Variants in EBF3 observed in about 807,000 individuals in gnomAD.
EBF3 encodes the protein transcription factor COE3.
EBF3 carries 18 observed loss-of-function variants against 77.1 expected under a neutral mutation model. The ratio of observed to expected loss-of-function variants is 0.23; its 90% CI spans 0.16 to 0.35. The LOEUF is 0.35. Among genes scored for constraint, EBF3 ranks in the 10% least tolerant of loss-of-function variants. The pLI, the probability that EBF3 is intolerant of heterozygous loss-of-function variation, is 1.00. For synonymous variants in EBF3, 350 were observed against 343.5 expected (o/e 1.02, Z -0.21); for missense variants, 558 against 860.0 (o/e 0.65, Z 4.39).
chr10:129,881,608 C>A (rs867556835), intron 6 of EBF3, among the ~76,000 whole-genome samples: 1 of 152,140 alleles, frequency 6.6e-6, no homozygotes, highest in Non-Finnish European at 1.5e-5. Flanking sequence ...TCCTCTTTCG[C>A]GGTGCACAGG....
chr10:129,941,468 C>T (rs1685799487), intron 6 of EBF3, among the ~76,000 whole-genome samples: 1 of 152,220 alleles, frequency 6.6e-6, no homozygotes, highest in South Asian at 2.1e-4. Context: ...AACCCACCAC[C>T]CGGGGACAGT....
chr10:129,851,174 A>T (rs756455081), intron 10 of EBF3, among the ~76,000 whole-genome samples: 1 of 152,238 alleles, frequency 6.6e-6, no homozygotes, highest in Non-Finnish European at 1.5e-5. Context: ...AACTGTCAGC[A>T]CTGGTTTGCT....
chr10:129,942,902 T>C (rs1355033203), intron 6 of EBF3, among the ~76,000 whole-genome samples: 1 of 152,224 alleles, frequency 6.6e-6, no homozygotes, highest in Non-Finnish European at 1.5e-5. Context: ...CAGGCGTTTG[T>C]TTTGAAGCCA....
chr10:129,927,628 C>A (rs972415995), intron 6 of EBF3, among the ~76,000 whole-genome samples: 1 of 152,210 alleles, frequency 6.6e-6, no homozygotes, highest in Non-Finnish European at 1.5e-5. Flanking sequence ...CCACCCTGAA[C>A]CCATGCCTCT....
At chr10:129,843,404 G>A (rs1564817677) in intron 11 of EBF3, 5 of 530,796 alleles carry the variant, frequency 9.4e-6, no homozygotes, top group Middle Eastern at 5.6e-4. Context: ...TTTACAAGGA[G>A]GCTGAATAAA....
chr10:129,922,109 C>T (rs1856354008), intron 6 of EBF3, among the ~76,000 whole-genome samples: 1 of 152,208 alleles, frequency 6.6e-6, no homozygotes, highest in African/African-American at 2.4e-5. Context: ...AGGCTCATGC[C>T]AGCCCTGCCT....
chr10:129,839,302 T>A, intron 15 of EBF3, 107 bp from the exon 16 acceptor site: 1 of 491,058 alleles, frequency 2.0e-6, no homozygotes, highest in Non-Finnish European at 3.7e-6. Context: ...AGGTGGTGTC[T>A]GAAAGAGGCC....
In EBF3 at chr10:129,835,998, A is replaced by T. The variant is rs1001443257; in HGVS notation, c.*1945T>A. The T allele has an allele frequency of 9.8e-5, 15 of 152,562 alleles. No homozygotes were observed. The highest frequency in any genetic ancestry group is 1.5e-5 in the Non-Finnish European group (1 of 68,038). The allele number at this position is 152,562 out of a possible 1,614,324, so 9.5% of individuals were successfully genotyped here. A position where few individuals can be genotyped will look rare whatever the true frequency, so the allele number is the denominator to read the frequency against. On this transcript the variant is annotated 3_prime_UTR_variant, in exon 17 of 17. Coordinates refer to ENST00000440978, the MANE Select transcript of EBF3 (RefSeq NM_001375380.1). ...ATGTATTGTTAAAAAAAAATTGAAA[A>T]CCAGCAGTGATTTGGGTCCCCCTGA... is the stretch of plus-strand genomic sequence containing the variant.
At chr10:129,843,025 G>T in intron 12 of EBF3, 112 bp downstream of exon 12, 1 of 1,024,964 alleles carries the variant, frequency 9.8e-7, no homozygotes, top group Non-Finnish European at 1.5e-6. Context: ...CTCCTGTGGA[G>T]TCGCTGGAAA....
In EBF3 at chr10:129,841,041, A is replaced by AACCCCC; in HGVS notation, c.1373-10_1373-9insGGGGGT. Reference sequence around the variant, plus strand: ...ATTGCGACTGTAGCCGACTGTTGAAATCCCCCCCCCGGCCAAAAATAACAT... The same window carrying AACCCCC: ...ATTGCGACTGTAGCCGACTGTTGAAAACCCCCTCCCCCCCCCGGCCAAAAATAACAT... On this transcript the variant is annotated splice_polypyrimidine_tract_variant and intron_variant, in intron 13 of 16. Transcript: ENST00000440978. This position sits in a 1 kb window ranked among gnomAD's most constrained non-coding sequence, Gnocchi z 4.6. 1.9e-6 allele frequency: 2 copies of AACCCCC among 1,076,654 alleles called. No homozygotes were observed. Among genetic ancestry groups the AACCCCC allele is most frequent in the East Asian group, 3.0e-5 (1 of 33,814 alleles). 66.7% of individuals were successfully genotyped at this position (1,076,654 alleles called of 1,614,324 possible). A position where few individuals can be genotyped will look rare whatever the true frequency, so the allele number is the denominator to read the frequency against.
intron 10 of EBF3, among the ~76,000 whole-genome samples, chr10:129,856,846 C>G (rs1242151413): frequency 2.0e-5 from 3 of 152,190 alleles, no homozygotes; most frequent in Non-Finnish European, 4.4e-5. Flanking sequence ...TATATGTGAA[C>G]AAAATACAGT....
intron 4 of EBF3, 46 bp downstream of exon 4, chr10:129,962,125 C>T: frequency 6.2e-7 from 1 of 1,607,876 alleles, no homozygotes; most frequent in Non-Finnish European, 8.5e-7. Flanking sequence ...CCAGGACAAC[C>T]CAGGCCCAGC....
intron 10 of EBF3, among the ~76,000 whole-genome samples, chr10:129,865,196 C>CT (rs1169786586): frequency 6.6e-6 from 1 of 152,064 alleles, no homozygotes; most frequent in East Asian, 1.9e-4. Context: ...CAGAAAGGAC[C>CT]CCCCAGCCCA....
chr10:129,961,892 A>G (rs555489277), intron 4 of EBF3, among the ~76,000 whole-genome samples: 1 of 152,324 alleles, frequency 6.6e-6, no homozygotes, highest in East Asian at 1.9e-4. Context: ...ACATCTTGAA[A>G]TTTTTGTCAA....
chr10:129,949,151 A>C (rs1858467082), intron 6 of EBF3, among the ~76,000 whole-genome samples: 1 of 152,022 alleles, frequency 6.6e-6, no homozygotes, highest in South Asian at 2.1e-4. Flanking sequence ...AAAATACAAA[A>C]TTAGCTGGGC....
chr10:129,884,377 G>A (rs572474796), intron 6 of EBF3, among the ~76,000 whole-genome samples: 7 of 152,156 alleles, frequency 4.6e-5, no homozygotes, highest in Non-Finnish European at 1.0e-4. Context: ...TCCAAAATGC[G>A]AGGGTCTTAA....
intron 6 of EBF3, among the ~76,000 whole-genome samples, chr10:129,955,170 T>C (rs1032458849): frequency 2.0e-5 from 3 of 152,236 alleles, no homozygotes; most frequent in African/African-American, 7.2e-5. Flanking sequence ...TTTGCCATTC[T>C]AAGTGACAGC....
In EBF3 at chr10:129,963,952, C is replaced by T. The variant is rs1645241087; in HGVS notation, c.-184G>A. On this transcript the variant is annotated 5_prime_UTR_variant, in exon 1 of 17. Coordinates refer to ENST00000440978, the MANE Select transcript of EBF3 (RefSeq NM_001375380.1). The surrounding 1 kb of genome is among the most constrained non-coding windows in gnomAD (Gnocchi z 7.1). ...GACATACACCAGCGGCCGGGCGCTC[C>T]GGACGGCCAGGGGCGCGGAGGCGGC... 1 of 1,040,362 alleles carries T rather than the reference C, an allele frequency of 9.6e-7. No individual in the cohort carries two copies. Among genetic ancestry groups the T allele is most frequent in the Non-Finnish European group, 1.2e-6 (1 of 867,744 alleles). The allele number at this position is 1,040,362 out of a possible 1,614,324, so 64.4% of individuals were successfully genotyped here. A position where few individuals can be genotyped will look rare whatever the true frequency, so the allele number is the denominator to read the frequency against.
Position 129,886,033 on chromosome 10 carries a change from ATTTTTTTT to A in EBF3, c.555-8192_555-8185del, listed in dbSNP as rs59542647. On this transcript the variant is annotated intron_variant, in intron 6 of 16. Transcript: ENST00000440978. The stretch of plus-strand genomic sequence containing the variant: ...TGAGGGGGTGTTGTTTTTGGTTTTA[ATTTTTTTT>A]TTTTTTTTTTTTTTTTTTTTGCTTC... Among the ~76,000 whole-genome samples the A allele has an allele frequency of 2.0e-4, 25 of 126,298 alleles. 1 individual carries two copies. In the East Asian group the frequency reaches 3.0e-3, roughly 15 times the overall value. 82.9% of individuals were successfully genotyped at this position (126,298 alleles called of 152,430 possible). A position where few individuals can be genotyped will look rare whatever the true frequency, so the allele number is the denominator to read the frequency against.
Sources: gnomAD v4.1 joint callset for allele counts (sites outside exome capture counted in the v4.1 genomes callset) on GRCh38, gnomAD v4.1.1 for gene constraint, Gnocchi (gnomAD v3.1) non-coding constraint, MANE v1.5 for transcripts, NCBI Gene and HGNC (gene_info 2026-07-23, HGNC 2026-07-21) for gene names.